PDE4D: variants seen among roughly 807,000 people sequenced by gnomAD.
PDE4D encodes the protein phosphodiesterase 4D, also known as 3',5'-cyclic-AMP phosphodiesterase 4D.
A neutral mutation model predicts 87.4 loss-of-function variants in PDE4D; 24 were observed. That is an observed-to-expected ratio of 0.27 (90% CI 0.20 to 0.39). The LOEUF (loss-of-function observed/expected upper bound fraction) is 0.39. Ranked by LOEUF, PDE4D falls within the 10% of genes least tolerant of loss-of-function variation. PDE4D has a pLI of 1.00. For missense variants in PDE4D, 714 were observed against 1,041.0 expected (o/e 0.69, Z 4.32); for synonymous variants, 384 against 383.2 (o/e 1.00, Z -0.02).
At chr5:59,602,174 T>C (rs886631493) in intron 1 of PDE4D, among the ~76,000 whole-genome samples, 2 of 151,934 alleles carry the variant, frequency 1.3e-5, no homozygotes, top group Non-Finnish European at 2.9e-5. Flanking sequence ...GAAAACTATA[T>C]CATCATTTCA....
chr5:59,982,563 A>T (rs1762033222), intron 3 of PDE4D, among the ~76,000 whole-genome samples: 1 of 152,168 alleles, frequency 6.6e-6, no homozygotes, highest in African/African-American at 2.4e-5. Context: ...CCTCCTAAGG[A>T]TTCTAAGCAG....
intron 1 of PDE4D, among the ~76,000 whole-genome samples, chr5:59,459,928 T>C (rs114325963): frequency 0.01 from 1,557 of 152,294 alleles, 23 homozygotes; most frequent in African/African-American, 0.036. Context: ...GGATGCCTTG[T>C]TAAGACATAA....
chr5:60,456,792 T>G (rs1236146067), intron 1 of PDE4D, among the ~76,000 whole-genome samples: 2 of 152,170 alleles, frequency 1.3e-5, no homozygotes, highest in African/African-American at 2.4e-5. Flanking sequence ...TTCTCTCTTC[T>G]TGTAATACCT....
At chr5:60,090,394 G>GTC in intron 2 of PDE4D, among the ~76,000 whole-genome samples, 1 of 152,076 alleles carries the variant, frequency 6.6e-6, no homozygotes, top group Non-Finnish European at 1.5e-5. Flanking sequence ...CAATCAATGT[G>GTC]ATACATTGTA....
chr5:59,496,125 C>T (rs28435556), intron 1 of PDE4D, among the ~76,000 whole-genome samples: 28,322 of 151,960 alleles, frequency 0.19, 4,890 homozygotes, highest in African/African-American at 0.46. Flanking sequence ...GAGATGGTTT[C>T]CCCCTGGAGT....
intron 1 of PDE4D, among the ~76,000 whole-genome samples, chr5:60,465,562 C>T (rs763527582): frequency 2.0e-4 from 30 of 151,946 alleles, no homozygotes; most frequent in Non-Finnish European, 2.1e-4. Context: ...TTTGTATGCT[C>T]GTCAAGCTTT....
At chr5:59,586,658 G>A (rs1045165472) in intron 1 of PDE4D, 1 of 985,346 alleles carries the variant, frequency 1.0e-6, no homozygotes, top group African/African-American at 1.7e-5. Flanking sequence ...AAAATAACCA[G>A]TTCAACTAAT....
At position 59,881,793 on chromosome 5, in the gene PDE4D, T is replaced by C. The variant is rs186826375; in HGVS notation, c.455+11375A>G. Among the ~76,000 whole-genome samples, 414 of 152,276 alleles carry C rather than the reference T, an allele frequency of 2.7e-3. 2 individuals are homozygous for C. Among genetic ancestry groups the C allele is most frequent in the African/African-American group, 9.4e-3 (389 of 41,552 alleles). ...ATCAATAATTATACAATTAAACATGTAATTGAAAATATAATAAACAATATA... is the reference window on the plus strand; with the variant it reads ...ATCAATAATTATACAATTAAACATGCAATTGAAAATATAATAAACAATATA... On this transcript the variant is annotated intron_variant, in intron 1 of 14. Coordinates refer to ENST00000340635, the MANE Select transcript of PDE4D (RefSeq NM_001104631.2).
intron 1 of PDE4D, among the ~76,000 whole-genome samples, chr5:59,408,918 A>C (rs1456316027): frequency 1.3e-5 from 2 of 152,124 alleles, no homozygotes; most frequent in Non-Finnish European, 2.9e-5. Context: ...CGGCTGAGAC[A>C]GGTGAATCAC....
upstream of PDE4D, among the ~76,000 whole-genome samples, chr5:59,898,710 T>C (rs1173504369): frequency 1.3e-5 from 2 of 152,136 alleles, no homozygotes; most frequent in African/African-American, 4.8e-5. Flanking sequence ...GGCAAATAAG[T>C]CTATAAACCT....
rs1799673641 is a variant in PDE4D, at chr5:59,454,797, C to G, written c.456-238829G>C. Reference sequence around the variant, plus strand: ...TGACAGTGATATGAACAATAAGGTCCAGGCTGAGGTGGTCTCAGATGGAGA... The same window carrying G: ...TGACAGTGATATGAACAATAAGGTCGAGGCTGAGGTGGTCTCAGATGGAGA... On this transcript the variant is annotated intron_variant, in intron 1 of 14. Coordinates refer to ENST00000340635, the MANE Select transcript of PDE4D (RefSeq NM_001104631.2). 2.0e-5 allele frequency among the ~76,000 whole-genome samples: 3 copies of G among 152,248 alleles called. No homozygotes were observed. The South Asian group carries it at 6.2e-4, about 32-fold the overall frequency.
chr5:59,179,618 C>G (rs759373411), intron 5 of PDE4D: 42 of 439,246 alleles, frequency 9.6e-5, no homozygotes, highest in Non-Finnish European at 1.7e-4. Context: ...ATGTGGTGAC[C>G]ACAAACACAG....
At chr5:59,688,419 T>C (rs1370137661) in intron 1 of PDE4D, among the ~76,000 whole-genome samples, 1 of 152,130 alleles carries the variant, frequency 6.6e-6, no homozygotes, top group African/African-American at 2.4e-5. Context: ...AGAAACTCAC[T>C]CAAAACCGCT....
intron 1 of PDE4D, among the ~76,000 whole-genome samples, chr5:59,357,279 CA>C (rs937555157): frequency 6.6e-6 from 1 of 152,150 alleles, no homozygotes; most frequent in African/African-American, 2.4e-5. Flanking sequence ...TGTAAACCCA[CA>C]GGGCTTCGTT....
chr5:60,453,990 T>C (rs1746280202), intron 1 of PDE4D, among the ~76,000 whole-genome samples: 1 of 152,170 alleles, frequency 6.6e-6, no homozygotes. Context: ...AAACTATTTT[T>C]AAGAAAAGGA....
intron 1 of PDE4D, among the ~76,000 whole-genome samples, chr5:60,191,090 CA>C (rs1230924667): frequency 1.3e-5 from 2 of 152,158 alleles, no homozygotes; most frequent in Non-Finnish European, 1.5e-5. Flanking sequence ...CAAAGTCCAA[CA>C]AAAGCCCTTC....
intron 5 of PDE4D, among the ~76,000 whole-genome samples, chr5:59,072,039 A>T (rs1295883534): frequency 2.6e-5 from 4 of 151,652 alleles, no homozygotes; most frequent in Non-Finnish European, 4.4e-5. Flanking sequence ...GGTTTCTTTC[A>T]CTTACTTTTT....
At chr5:59,621,413 T>C (rs939191230) in intron 1 of PDE4D, among the ~76,000 whole-genome samples, 2 of 152,236 alleles carry the variant, frequency 1.3e-5, no homozygotes, top group African/African-American at 4.8e-5. Context: ...ATGGTGACTT[T>C]AGCATCCCTG....
At chr5:59,258,972 C>T (rs1561829989) in intron 1 of PDE4D, among the ~76,000 whole-genome samples, 1 of 151,456 alleles carries the variant, frequency 6.6e-6, no homozygotes, top group Non-Finnish European at 1.5e-5. Context: ...TTAAGTTTTA[C>T]CTAGAACTGT....
Sources: gnomAD v4.1 joint callset for allele counts (sites outside exome capture counted in the v4.1 genomes callset) on GRCh38, gnomAD v4.1.1 for gene constraint, MANE v1.5 for transcripts, NCBI Gene and HGNC (gene_info 2026-07-23, HGNC 2026-07-21) for gene names.